The following FNDC3A variants were observed in gnomAD, a reference collection of about 807,000 sequenced individuals.
FNDC3A encodes fibronectin type-III domain-containing protein 3A.
A neutral mutation model predicts 148.9 loss-of-function variants in FNDC3A; 32 were observed. The observed-to-expected ratio is 0.21, with a 90% CI of 0.16 to 0.29. FNDC3A has a LOEUF of 0.29. Ranked by LOEUF, FNDC3A falls within the 10% of genes least tolerant of loss-of-function variation. The pLI is 1.00. For missense variants in FNDC3A, 1,191 were observed against 1,452.8 expected (o/e 0.82, Z 2.93); for synonymous variants, 472 against 473.6 (o/e 1.00, Z 0.04).
intron 4 of FNDC3A, among the ~76,000 whole-genome samples, chr13:49,118,890 G>A (rs1413958603): frequency 2.0e-5 from 3 of 152,202 alleles, no homozygotes; most frequent in African/African-American, 7.2e-5. Context: ...GTCTTCCTGA[G>A]ACAGAGCACC....
intron 4 of FNDC3A, among the ~76,000 whole-genome samples, chr13:49,117,909 A>G (rs141700346): frequency 6.6e-6 from 1 of 152,324 alleles, no homozygotes; most frequent in Admixed American, 6.5e-5. Flanking sequence ...TAAGATAGGA[A>G]CTGCCTTTTA....
At chr13:49,065,836 A>G (rs1244736572) in intron 2 of FNDC3A, among the ~76,000 whole-genome samples, 1 of 152,222 alleles carries the variant, frequency 6.6e-6, no homozygotes, top group Non-Finnish European at 1.5e-5. Context: ...AAATATGAGA[A>G]TCATTCTTTA....
intron 16 of FNDC3A, 130 bp from the exon 17 acceptor site, chr13:49,188,385 C>T: frequency 1.5e-6 from 1 of 647,644 alleles, no homozygotes. Context: ...GAAACCGAAA[C>T]AAACCTAAAT....
At position 49,152,724 on chromosome 13, in the gene FNDC3A, T is replaced by C. The variant is rs1184232469; in HGVS notation, c.977+6789T>C. ...TGATATTCCCCTTCCTGTGTCCATGTGATCTCATTGTTCAGTTCCCACCTA... is the reference window on the plus strand; with the variant it reads ...TGATATTCCCCTTCCTGTGTCCATGCGATCTCATTGTTCAGTTCCCACCTA... On this transcript the variant is annotated intron_variant, in intron 8 of 25. Transcript: ENST00000492622. 6.7e-5 allele frequency among the ~76,000 whole-genome samples: 10 copies of C among 148,512 alleles called. No individual in the cohort carries two copies. The South Asian group carries it at 2.2e-3, about 32-fold the overall frequency.
Position 49,197,786 on chromosome 13 carries a change from G to A in FNDC3A, c.2402G>A (p.Gly801Glu), listed in dbSNP as rs770808355. 2 of 1,610,914 alleles carry A rather than the reference G, an allele frequency of 1.2e-6. No homozygotes were observed. ...CGACTGGAGTGGGGAGGAGTTGAAGGAAGTATGCAGATATGTTACTGTGGG... is the reference window on the plus strand; with the variant it reads ...CGACTGGAGTGGGGAGGAGTTGAAGAAAGTATGCAGATATGTTACTGTGGG... Reference protein sequence around the residue: ...EYRLEWGGVEGSMQICYCGPG... With the variant: ...EYRLEWGGVEESMQICYCGPG... Residue 801 changes from glycine to glutamate, a missense_variant, in exon 21 of 26, where the codon GGA (glycine) becomes GAA (glutamate). Gly to Glu is a moderately conservative substitution (Grantham distance 98, BLOSUM62 -2). Around this residue, in one of 3 missense-constraint regions of FNDC3A, gnomAD observed 751 missense variants for 944.0 expected, o/e 0.80. Coordinates refer to ENST00000492622, the MANE Select transcript of FNDC3A (RefSeq NM_001079673.2).
At chr13:49,000,863 A>G (rs1450491116) in intron 1 of FNDC3A, among the ~76,000 whole-genome samples, 1 of 151,928 alleles carries the variant, frequency 6.6e-6, no homozygotes, top group East Asian at 1.9e-4. Flanking sequence ...TCTTTTTCAA[A>G]TTTTCATTGT....
In FNDC3A at chr13:49,208,491, C is replaced by T. The variant is rs946018259; in HGVS notation, c.*1096C>T. On this transcript the variant is annotated 3_prime_UTR_variant, in exon 26 of 26. Coordinates refer to ENST00000492622, the MANE Select transcript of FNDC3A (RefSeq NM_001079673.2). Reference sequence around the variant, plus strand: ...GCTGCTTTCTTTCTTGAAAACTAAACGTTTAACGTATAATGTCTGTTTGGA... The same window carrying T: ...GCTGCTTTCTTTCTTGAAAACTAAATGTTTAACGTATAATGTCTGTTTGGA... 8 of 152,624 alleles carry T rather than the reference C, an allele frequency of 5.2e-5. No homozygotes were observed. The highest frequency in any genetic ancestry group is 1.3e-4 in the Admixed American group (2 of 15,280). 9.5% of individuals were successfully genotyped at this position (152,624 alleles called of 1,614,324 possible). A position where few individuals can be genotyped will look rare whatever the true frequency, so the allele number is the denominator to read the frequency against.
chr13:49,035,565 A>C (rs758552060), intron 2 of FNDC3A, among the ~76,000 whole-genome samples: 2 of 152,060 alleles, frequency 1.3e-5, no homozygotes, highest in Non-Finnish European at 2.9e-5. Flanking sequence ...TTTTCTGTCA[A>C]AATGACTTTA....
chr13:49,122,703 A>G (rs1324783338), intron 4 of FNDC3A, among the ~76,000 whole-genome samples: 1 of 152,174 alleles, frequency 6.6e-6, no homozygotes, highest in African/African-American at 2.4e-5. Flanking sequence ...ATACACCAAT[A>G]ATAGGCAAAC....
In FNDC3A at chr13:49,167,709, C is replaced by CA. The variant is rs564784760; in HGVS notation, c.1037+417dup. ...CTACAAAGTGAGACCTTGTCTCAAACAAAAAAAAAAACTTTGCAGACTTCA... is the reference window on the plus strand; with the variant it reads ...CTACAAAGTGAGACCTTGTCTCAAACAAAAAAAAAAAACTTTGCAGACTTCA... On this transcript the variant is annotated intron_variant, in intron 9 of 25. Coordinates refer to ENST00000492622, the MANE Select transcript of FNDC3A (RefSeq NM_001079673.2). Among the ~76,000 whole-genome samples, 867 of 120,384 alleles carry CA rather than the reference C, an allele frequency of 7.2e-3. 9 individuals carry two copies. The highest frequency in any genetic ancestry group is 0.045 in the South Asian group (178 of 3,994). The allele number at this position is 120,384 out of a possible 152,430, so 79.0% of individuals were successfully genotyped here.
intron 7 of FNDC3A, among the ~76,000 whole-genome samples, chr13:49,140,080 C>G (rs1489772560): frequency 1.3e-5 from 2 of 152,148 alleles, no homozygotes; most frequent in Non-Finnish European, 2.9e-5. Flanking sequence ...CTCACACTTT[C>G]CCAGTCCTTT....
intron 10 of FNDC3A, among the ~76,000 whole-genome samples, chr13:49,169,689 T>C (rs1188748444): frequency 2.0e-5 from 3 of 152,234 alleles, no homozygotes; most frequent in Admixed American, 1.3e-4. Flanking sequence ...CTGTCCTTGC[T>C]TTGAGAGCAA....
chr13:49,080,357 A>C (rs1370201714), intron 3 of FNDC3A, among the ~76,000 whole-genome samples: 1 of 152,016 alleles, frequency 6.6e-6, no homozygotes. Context: ...ATCTGTTTAT[A>C]TTTCCTGATA....
At chr13:49,178,117 C>G (rs1193850897) in intron 13 of FNDC3A, among the ~76,000 whole-genome samples, 1 of 152,132 alleles carries the variant, frequency 6.6e-6, no homozygotes, top group African/African-American at 2.4e-5. Context: ...AAGTGACATC[C>G]TCACCTGCCA....
intron 3 of FNDC3A, among the ~76,000 whole-genome samples, chr13:49,099,836 G>A (rs1188140593): frequency 6.6e-6 from 1 of 152,080 alleles, no homozygotes; most frequent in Non-Finnish European, 1.5e-5. Flanking sequence ...CCTCCACTTA[G>A]CAGATATGCT....
intron 3 of FNDC3A, among the ~76,000 whole-genome samples, chr13:49,083,214 C>T (rs555780236): frequency 2.9e-4 from 44 of 152,288 alleles, no homozygotes; most frequent in African/African-American, 1.0e-3. Context: ...ATTATCAGCA[C>T]CTGTAGGAGT....
intron 4 of FNDC3A, among the ~76,000 whole-genome samples, chr13:49,128,000 G>A (rs1881804416): frequency 6.6e-6 from 1 of 152,026 alleles, no homozygotes; most frequent in African/African-American, 2.4e-5. Context: ...TCTTGCCTCA[G>A]CCTCCTGAGC....
chr13:49,061,018 G>A (rs970055525), intron 2 of FNDC3A, among the ~76,000 whole-genome samples: 14 of 152,030 alleles, frequency 9.2e-5, no homozygotes, highest in Admixed American at 2.6e-4. Flanking sequence ...CAATAAAAAT[G>A]TTAATAGTTA....
At chr13:48,981,804 A>G (rs1265473908) in intron 1 of FNDC3A, among the ~76,000 whole-genome samples, 1 of 143,678 alleles carries the variant, frequency 7.0e-6, no homozygotes, top group Non-Finnish European at 1.5e-5. Flanking sequence ...TAGATTGTGT[A>G]TGTTAATCAG....
Sources: gnomAD v4.1 joint callset for allele counts (sites outside exome capture counted in the v4.1 genomes callset) on GRCh38, gnomAD v4.1.1 for gene constraint, gnomAD v4.1.1 regional missense constraint, MANE v1.5 for transcripts, NCBI Gene and HGNC (gene_info 2026-07-23, HGNC 2026-07-21) for gene names.